ALDH8A1: variants seen among roughly 807,000 people sequenced by gnomAD.
ALDH8A1 encodes the protein 2-aminomuconic semialdehyde dehydrogenase.
Under a neutral mutation model 43.3 loss-of-function variants are expected in ALDH8A1, and 39 were observed. The observed-to-expected ratio is 0.90, with a 90% CI of 0.70 to 1.18. ALDH8A1 has a LOEUF of 1.18. Ranked by LOEUF, ALDH8A1 falls within the 50% of genes most tolerant of loss-of-function variation. The probability of loss-of-function intolerance (pLI) is 0.00; values close to 1 mark genes in which losing one functional copy is unlikely to be tolerated. For synonymous variants in ALDH8A1, 233 were observed against 243.5 expected (o/e 0.96, Z 0.40); for missense variants, 605 against 622.6 (o/e 0.97, Z 0.30).
chr6:134,938,675 TCTCA>T (rs1200892044), intron 4 of ALDH8A1, among the ~76,000 whole-genome samples: 1 of 152,150 alleles, frequency 6.6e-6, no homozygotes, highest in Admixed American at 6.5e-5. Context: ...TGAGACGGAG[TCTCA>T]CTCTGTCGCC....
chr6:134,928,932 T>C lies in ALDH8A1; in HGVS notation c.1011+122A>G, dbSNP rs1025496977. ...TGTGTCCACAATTTCTCCCAGGTTA[T>C]AATTTTTCAAAAATGGGGTAGTAAC... is the stretch of plus-strand genomic sequence containing the variant. On this transcript the variant is annotated intron_variant, in intron 6 of 6. Transcript: ENST00000265605. 11 of 1,069,134 alleles carry C rather than the reference T, an allele frequency of 1.0e-5. No homozygotes were observed. In the African/African-American group the frequency reaches 1.8e-4, roughly 17 times the overall value. The allele number at this position is 1,069,134 out of a possible 1,614,324, so 66.2% of individuals were successfully genotyped here.
chr6:134,928,865 C>T (rs113574882), intron 6 of ALDH8A1, among the ~76,000 whole-genome samples, 189 bp downstream of exon 6: 30 of 152,276 alleles, frequency 2.0e-4, no homozygotes, highest in Middle Eastern at 6.8e-3. Context: ...GCACTTTCAC[C>T]GGGACTGCAT....
At chr6:134,925,752 G>A (rs139230452) in intron 6 of ALDH8A1, among the ~76,000 whole-genome samples, 40 of 152,244 alleles carry the variant, frequency 2.6e-4, no homozygotes, top group African/African-American at 9.4e-4. Flanking sequence ...TAAGAACCGT[G>A]GAGAAAAATA....
intron 5 of ALDH8A1, among the ~76,000 whole-genome samples, chr6:134,929,685 G>A (rs189203202): frequency 1.0e-3 from 158 of 152,254 alleles, no homozygotes; most frequent in Non-Finnish European, 1.9e-3. Flanking sequence ...AAGGTGGGTG[G>A]GGCTGAGGCT....
At chr6:134,932,123 C>G (rs927585695) in intron 5 of ALDH8A1, among the ~76,000 whole-genome samples, 1 of 152,158 alleles carries the variant, frequency 6.6e-6, no homozygotes, top group African/African-American at 2.4e-5. Flanking sequence ...TTGAAAATAC[C>G]ACACAAAAGC....
intron 6 of ALDH8A1, among the ~76,000 whole-genome samples, chr6:134,921,277 G>A (rs911478642): frequency 6.6e-6 from 1 of 152,172 alleles, no homozygotes; most frequent in Admixed American, 6.5e-5. Context: ...GCACCCATCA[G>A]CTTCTTCTGT....
At chr6:134,939,547 G>T in intron 3 of ALDH8A1, 132 bp from the exon 4 acceptor site, 1 of 1,090,430 alleles carries the variant, frequency 9.2e-7, no homozygotes, top group Non-Finnish European at 1.3e-6. Context: ...TTCTTCCCAA[G>T]CTTTGCTTAT....
At chr6:134,923,730 G>GT (rs1776841459) in intron 6 of ALDH8A1, among the ~76,000 whole-genome samples, 2 of 152,242 alleles carry the variant, frequency 1.3e-5, no homozygotes, top group Non-Finnish European at 2.9e-5. Context: ...AGAAATCTTG[G>GT]TTTTTGTCCA....
intron 3 of ALDH8A1, among the ~76,000 whole-genome samples, chr6:134,941,908 T>G (rs1317663381): frequency 6.6e-6 from 1 of 152,128 alleles, no homozygotes; most frequent in Non-Finnish European, 1.5e-5. Context: ...TTCTTTTCCC[T>G]ATGATTTTCC....
intron 3 of ALDH8A1, 80 bp downstream of exon 3, chr6:134,942,329 T>A: frequency 1.4e-6 from 2 of 1,422,306 alleles, no homozygotes; most frequent in Non-Finnish European, 1.9e-6. Flanking sequence ...TTTAACCTGT[T>A]CCTTGAGGAC....
chr6:134,947,465 G>C (rs897530718), intron 1 of ALDH8A1, among the ~76,000 whole-genome samples: 1 of 152,070 alleles, frequency 6.6e-6, no homozygotes, highest in African/African-American at 2.4e-5. Flanking sequence ...GAAAATATTT[G>C]CAAACTATCC....
intron 2 of ALDH8A1, among the ~76,000 whole-genome samples, chr6:134,943,592 GC>G (rs1468139374): frequency 6.6e-6 from 1 of 152,146 alleles, no homozygotes; most frequent in Non-Finnish European, 1.5e-5. Context: ...TTGCCCCTCA[GC>G]TTTTGGATCC....
intron 3 of ALDH8A1, among the ~76,000 whole-genome samples, chr6:134,939,772 T>C (rs779953544): frequency 3.3e-5 from 5 of 152,204 alleles, no homozygotes; most frequent in African/African-American, 4.8e-5. Context: ...CGTATGTTCA[T>C]TGCAGCACTT....
intron 4 of ALDH8A1, among the ~76,000 whole-genome samples, chr6:134,937,279 T>C (rs1773758231): frequency 6.6e-6 from 1 of 152,212 alleles, no homozygotes; most frequent in South Asian, 2.1e-4. Flanking sequence ...ACGAATTAGT[T>C]ATTTTCGCTT....
rs575696307 is a variant in ALDH8A1 at position 134,932,775 on chromosome 6, C to A, written c.849+1G>T. ...AGGGAGAAGAACCCCCGGGGACATACCTGGTTGGCAAAGCTGGACCTGACG... is the reference window on the plus strand; with the variant it reads ...AGGGAGAAGAACCCCCGGGGACATAACTGGTTGGCAAAGCTGGACCTGACG... On this transcript the variant is annotated splice_donor_variant, in intron 5 of 6. Transcript: ENST00000265605. LOFTEE classifies it high-confidence loss of function. 4 of 1,613,702 alleles carry A rather than the reference C, an allele frequency of 2.5e-6. No homozygotes were observed. The highest frequency in any genetic ancestry group is 2.7e-5 in the African/African-American group (2 of 74,938).
At position 134,942,452 on chromosome 6, in the gene ALDH8A1, G is replaced by T; in HGVS notation, c.399C>A (p.His133Gln). 1 of 1,614,176 alleles carries T rather than the reference G, an allele frequency of 6.2e-7. No homozygotes were observed. Among genetic ancestry groups the T allele is most frequent in the Non-Finnish European group, 8.5e-7 (1 of 1,180,026 alleles). ...GCACCGTGTAGTGCATGCAGCCCAG[G>T]TGGTCCATCTGCGTGCACTCTGACG... Reference protein sequence around the residue: ...HHTSECTQMDHLGCMHYTVRA... With the variant: ...HHTSECTQMDQLGCMHYTVRA... The change falls in exon 3 of 7, where the codon CAC becomes CAA. Residue 133 changes from histidine to glutamine, a missense_variant. His to Gln is a conservative substitution (Grantham distance 24). Coordinates refer to ENST00000265605, the MANE Select transcript of ALDH8A1 (RefSeq NM_022568.4).
rs2114672957 is a variant in ALDH8A1, at chr6:134,918,859, A to G, written c.1020T>C (p.Ser340=). 6.2e-7 allele frequency: 1 copy of G among 1,612,972 alleles called. No homozygotes were observed. Among genetic ancestry groups the G allele is most frequent in the East Asian group, 2.2e-5 (1 of 44,854 alleles). The change falls in exon 7 of 7, where the codon AGT becomes AGC. Residue 340 remains serine, a synonymous_variant. Coordinates refer to ENST00000265605, the MANE Select transcript of ALDH8A1 (RefSeq NM_022568.4). ...CTTCAGCAAGAGCTCTCTTGACGTA[A>G]CTTCTGACCTGCGTGGGTAAAAATC... ...ISKAHLEKVR[S]YVKRALAEGA...
rs745398206 is a variant in ALDH8A1, at chr6:134,932,899, C to T, written c.726G>A (p.Leu242=). Residue 242 remains leucine (L), a synonymous_variant, in exon 5 of 7, where the codon CTG becomes CTA. Coordinates refer to ENST00000265605, the MANE Select transcript of ALDH8A1 (RefSeq NM_022568.4). ...AGAGCTTTTTGCAGTGGGGAGCGCT[C>T]AGCTGGGTGATCCGCTCAGCGGTGG... The part of the protein sequence containing the change: ...SQPTAERITQ[L]SAPHCKKLSL... 7.4e-6 allele frequency: 12 copies of T among 1,614,086 alleles called. No individual in the cohort carries two copies. Among genetic ancestry groups the T allele is most frequent in the Admixed American group, 1.7e-5 (1 of 60,008 alleles).
chr6:134,933,191 C>T (rs1773654849), intron 4 of ALDH8A1, among the ~76,000 whole-genome samples, 159 bp from the exon 5 acceptor site: 1 of 152,228 alleles, frequency 6.6e-6, no homozygotes, highest in Non-Finnish European at 1.5e-5. Context: ...ATGGCTGCCT[C>T]TGGTTTAATA....
Sources: gnomAD v4.1 joint callset for allele counts (sites outside exome capture counted in the v4.1 genomes callset) on GRCh38, gnomAD v4.1.1 for gene constraint, MANE v1.5 for transcripts, NCBI Gene and HGNC (gene_info 2026-07-23, HGNC 2026-07-21) for gene names.